The following MYB variants were observed in gnomAD, a reference collection of about 807,000 sequenced individuals.
MYB encodes the protein MYB proto-oncogene, transcription factor.
In MYB, 28 loss-of-function variants were observed where a neutral mutation model predicts 92.9. The ratio of observed to expected loss-of-function variants is 0.30; its 90% confidence interval spans 0.22 to 0.41. MYB has a LOEUF of 0.41. Among genes scored for constraint, MYB ranks in the 10% least tolerant of loss-of-function variants. MYB has a pLI of 1.00. For missense variants in MYB, 679 were observed against 929.3 expected (o/e 0.73, Z 3.50); for synonymous variants, 295 against 329.1 (o/e 0.90, Z 1.12).
At chr6:135,206,108 A>T (rs986166835) in intron 15 of MYB, among the ~76,000 whole-genome samples, 9 of 147,662 alleles carry the variant, frequency 6.1e-5, no homozygotes, top group African/African-American at 2.2e-4. Context: ...TGGGAGGCTG[A>T]GGCAGGAGAA....
intron 15 of MYB, among the ~76,000 whole-genome samples, chr6:135,212,978 A>G (rs908167327): frequency 3.3e-5 from 5 of 152,168 alleles, no homozygotes; most frequent in Non-Finnish European, 7.3e-5. Flanking sequence ...AAAGTACTCA[A>G]TCTTCTGATC....
intron 15 of MYB, among the ~76,000 whole-genome samples, chr6:135,212,224 CTTTTTTTTTTTTTTT>C (rs545704827): frequency 0.023 from 742 of 32,972 alleles, 13 homozygotes; most frequent in East Asian, 0.054. Flanking sequence ...TTTGGTTTTA[CTTTTTTTTTTTTTTT>C]TTTTTTTTTT....
Position 135,192,282 on chromosome 6 carries a change from A to C in MYB, c.528-42A>C. On this transcript the variant is annotated intron_variant, in intron 5 of 15. Transcript: ENST00000341911. ...TGTCAATTCACTTTAATCTGAATTGAAATTTTTGTTTGTGAAATTTGTGTG... is the reference window on the plus strand; with the variant it reads ...TGTCAATTCACTTTAATCTGAATTGCAATTTTTGTTTGTGAAATTTGTGTG... 2.6e-6 allele frequency: 4 copies of C among 1,524,638 alleles called. No individual in the cohort carries two copies. The South Asian group carries it at 4.5e-5, about 17-fold the overall frequency. The allele number at this position is 1,524,638 out of a possible 1,614,324, so 94.4% of individuals were successfully genotyped here.
At chr6:135,197,413 C>A in intron 10 of MYB, 90 bp downstream of exon 10, 1 of 1,140,122 alleles carries the variant, frequency 8.8e-7, no homozygotes, top group Non-Finnish European at 1.3e-6. Context: ...GAACAAATGA[C>A]TAATTACTGC....
chr6:135,218,199 T>C lies in MYB; in HGVS notation c.*219T>C. ...AAATAAATAACAGTCTTACCTAAATTATTAGGTAATGAATTGTAGCCAGTT... is the reference window on the plus strand; with the variant it reads ...AAATAAATAACAGTCTTACCTAAATCATTAGGTAATGAATTGTAGCCAGTT... On this transcript the variant is annotated 3_prime_UTR_variant, in exon 16 of 16. Transcript: ENST00000341911. The C allele has an allele frequency of 2.2e-6, 1 of 459,926 alleles. No individual in the cohort carries two copies. Among genetic ancestry groups the C allele is most frequent in the Non-Finnish European group, 3.9e-6 (1 of 258,502 alleles). 28.5% of individuals were successfully genotyped at this position (459,926 alleles called of 1,614,324 possible). A position where few individuals can be genotyped will look rare whatever the true frequency, so the allele number is the denominator to read the frequency against.
At chr6:135,197,509 CTG>C (rs1297324381) in intron 10 of MYB, among the ~76,000 whole-genome samples, 186 bp downstream of exon 10, 2 of 139,948 alleles carry the variant, frequency 1.4e-5, no homozygotes, top group Non-Finnish European at 3.3e-5. Context: ...TGCAGGCTAA[CTG>C]TTGATTTTGG....
intron 15 of MYB, among the ~76,000 whole-genome samples, chr6:135,206,962 A>G (rs945014118): frequency 2.0e-5 from 3 of 152,198 alleles, no homozygotes; most frequent in Non-Finnish European, 4.4e-5. Context: ...ATATTTAAAC[A>G]TACATCACCT....
Position 135,201,668 on chromosome 6 carries a change from C to T in MYB, c.1980C>T (p.Asn660=). 6.2e-7 allele frequency: 1 copy of T among 1,604,184 alleles called. No individual in the cohort carries two copies. Among genetic ancestry groups the T allele is most frequent in the South Asian group, 1.1e-5 (1 of 90,172 alleles). ...EVESPTDKSG[N]FFCSHHWEGD... ...AATCTCCAACTGATAAATCAGGAAA[C>T]TTCTTCTGCTCACACCACTGGGAAG... Residue 660 remains asparagine (N), a synonymous_variant, in exon 14 of 16, where the codon AAC becomes AAT. Coordinates refer to ENST00000341911, the MANE Select transcript of MYB (RefSeq NM_001130173.2).
Position 135,181,310 on chromosome 6 carries a change from A to G in MYB, c.-204A>G, listed in dbSNP as rs1306276482. On this transcript the variant is annotated 5_prime_UTR_variant, in exon 1 of 16. Coordinates refer to ENST00000341911, the MANE Select transcript of MYB (RefSeq NM_001130173.2). This position sits in a 1 kb window ranked among gnomAD's most constrained non-coding sequence, Gnocchi z 5.3. ...TGGCATCTCTGTTTACAGAGTTTAC[A>G]CTTTAATATCAACCTGTTTCCTCCT... 5.2e-6 allele frequency: 1 copy of G among 191,022 alleles called. No individual in the cohort carries two copies. The highest frequency in any genetic ancestry group is 1.1e-4 in the East Asian group (1 of 9,476). 11.8% of individuals were successfully genotyped at this position (191,022 alleles called of 1,614,324 possible). A position where few individuals can be genotyped will look rare whatever the true frequency, so the allele number is the denominator to read the frequency against.
chr6:135,201,812 G>GCCACACACAGGAT, intron 14 of MYB, 63 bp downstream of exon 14: 1 of 969,412 alleles, frequency 1.0e-6, no homozygotes, highest in Non-Finnish European at 1.5e-6. Context: ...GAAATCCTGT[G>GCCACACACAGGAT]TGTGGCATAG....
At chr6:135,199,073 A>C in intron 11 of MYB, 23 bp downstream of exon 11, 1 of 1,545,540 alleles carries the variant, frequency 6.5e-7, no homozygotes, top group African/African-American at 1.4e-5. Context: ...TTCAGGAATA[A>C]AATGATTTAT....
chr6:135,202,750 A>G (rs1778307239), intron 14 of MYB: 1 of 341,536 alleles, frequency 2.9e-6, no homozygotes, highest in Non-Finnish European at 5.7e-6. Context: ...AAGATTGTAT[A>G]CCTAATAAGG....
chr6:135,186,090 C>T, intron 2 of MYB, 70 bp downstream of exon 2: 1 of 1,327,004 alleles, frequency 7.5e-7, no homozygotes, highest in South Asian at 1.2e-5. Context: ...AAAATTTCAA[C>T]TAAACTACAG....
rs1438235502 is a variant in MYB, at chr6:135,182,677, A to G, written c.23+1141A>G. Among the ~76,000 whole-genome samples the G allele has an allele frequency of 6.6e-6, 1 of 152,222 alleles. No individual in the cohort carries two copies. The highest frequency in any genetic ancestry group is 6.5e-5 in the Admixed American group (1 of 15,284). ...GCGAAGGAGTTCTAAGGCGAAGTCCATGGAGGCAAAGCAAATCCATTCGCC... is the reference window on the plus strand; with the variant it reads ...GCGAAGGAGTTCTAAGGCGAAGTCCGTGGAGGCAAAGCAAATCCATTCGCC... On this transcript the variant is annotated intron_variant, in intron 1 of 15. Coordinates refer to ENST00000341911, the MANE Select transcript of MYB (RefSeq NM_001130173.2). The surrounding 1 kb of genome is among the most constrained non-coding windows in gnomAD (Gnocchi z 5.6).
At chr6:135,200,545 G>A in intron 13 of MYB, 130 bp downstream of exon 13, 1 of 1,393,998 alleles carries the variant, frequency 7.2e-7, no homozygotes, top group Non-Finnish European at 1.0e-6. Context: ...TTCATACAAG[G>A]TGCAGCGAAA....
Position 135,190,827 on chromosome 6 carries a change from C to A in MYB, c.527+480C>A, listed in dbSNP as rs960782105. On this transcript the variant is annotated intron_variant, in intron 5 of 15. Transcript: ENST00000341911. The surrounding 1 kb of genome is among the most constrained non-coding windows in gnomAD (Gnocchi z 4.5). ...TATTTTTTAGAGACAGAGGCTTGTT[C>A]TGTCACACATGAGTGACAGAGTGCA... 3.3e-5 allele frequency among the ~76,000 whole-genome samples: 5 copies of A among 152,032 alleles called. No homozygotes were observed. Among genetic ancestry groups the A allele is most frequent in the African/African-American group, 7.3e-5 (3 of 41,368 alleles).
At chr6:135,215,122 C>A (rs1292721674) in intron 15 of MYB, among the ~76,000 whole-genome samples, 1 of 152,192 alleles carries the variant, frequency 6.6e-6, no homozygotes, top group Non-Finnish European at 1.5e-5. Context: ...ATGGCACAAG[C>A]TTTGTGCCCT....
At chr6:135,189,668 A>G in intron 3 of MYB, 123 bp from the exon 4 acceptor site, 1 of 737,348 alleles carries the variant, frequency 1.4e-6, no homozygotes, top group South Asian at 1.8e-5. Flanking sequence ...GGCTCTAAAC[A>G]TGCTCTAAAA....
At chr6:135,198,414 C>T (rs979765700) in intron 10 of MYB, among the ~76,000 whole-genome samples, 1 of 152,122 alleles carries the variant, frequency 6.6e-6, no homozygotes, top group Non-Finnish European at 1.5e-5. Context: ...TTAAGGAACA[C>T]CTAGTTTTTT....
Sources: allele counts gnomAD v4.1 joint callset (sites outside exome capture counted in the v4.1 genomes callset), GRCh38; gene constraint gnomAD v4.1.1; non-coding constraint Gnocchi (gnomAD v3.1); transcripts MANE v1.5; gene names NCBI Gene and HGNC (gene_info 2026-07-23, HGNC 2026-07-21).